USP24: variants seen among roughly 807,000 people sequenced by gnomAD.
The protein encoded by USP24 is ubiquitin specific peptidase 24.
A neutral mutation model predicts 361.6 loss-of-function variants in USP24; 97 were observed. The observed-to-expected ratio is 0.27, with a 90% confidence interval of 0.23 to 0.32. The LOEUF (loss-of-function observed/expected upper bound fraction) is 0.32, where lower values mean the gene tolerates loss of function less well. USP24 is among the 10% of genes least tolerant of loss of function. The pLI is 1.00. For missense variants in USP24, 2,353 were observed against 3,165.6 expected (o/e 0.74, Z 6.16); for synonymous variants, 1,098 against 1,124.6 (o/e 0.98, Z 0.47).
chr1:55,078,484 C>A, intron 61 of USP24, 54 bp downstream of exon 61: 1 of 1,449,522 alleles, frequency 6.9e-7, no homozygotes. Flanking sequence ...AGATGCTCTC[C>A]TAGAGTCTCA....
At chr1:55,144,089 T>G in intron 21 of USP24, 38 bp downstream of exon 21, 1 of 1,502,288 alleles carries the variant, frequency 6.7e-7, no homozygotes, top group Non-Finnish European at 9.0e-7. Context: ...TTATACTAGA[T>G]TATCCAAACT....
At chr1:55,187,294 C>T (rs1194351946) in intron 1 of USP24, among the ~76,000 whole-genome samples, 2 of 152,062 alleles carry the variant, frequency 1.3e-5, no homozygotes, top group Non-Finnish European at 2.9e-5. Flanking sequence ...GGGGAACTTC[C>T]TCAACTTGAT....
At chr1:55,199,385 ATAG>A (rs1461743721) in intron 1 of USP24, among the ~76,000 whole-genome samples, 1 of 152,214 alleles carries the variant, frequency 6.6e-6, no homozygotes, top group African/African-American at 2.4e-5. Context: ...ATAAAAGTCT[ATAG>A]AGGATATTGC....
intron 29 of USP24, 58 bp downstream of exon 29, chr1:55,134,270 T>G (rs1646673485): frequency 6.4e-7 from 1 of 1,570,274 alleles, no homozygotes; most frequent in Admixed American, 1.8e-5. Context: ...AAAAGTTACT[T>G]GGCTCCCTAA....
chr1:55,154,222 T>C lies in USP24; in HGVS notation c.1709A>G (p.Gln570Arg). 6.2e-7 allele frequency: 1 copy of C among 1,613,514 alleles called. No homozygotes were observed. Among genetic ancestry groups the C allele is most frequent in the Non-Finnish European group, 8.5e-7 (1 of 1,179,666 alleles). The change falls in exon 15 of 68, where the codon CAG (glutamine) becomes CGG (arginine). Residue 570 changes from glutamine to arginine, a missense_variant. Gln to Arg is a conservative substitution (Grantham distance 43). Around this residue, in one of 8 missense-constraint regions of USP24, gnomAD observed 386 missense variants for 560.5 expected, o/e 0.69. Coordinates refer to ENST00000294383, the MANE Select transcript of USP24 (RefSeq NM_015306.3). ...HLPTLPSSLI[Q>R]QALEEHLTIL... ...TGTCAGGTGCTCCTCCAAGGCCTGC[T>C]GAATAAGGCTACTGGGCAGGGTTGG...
At chr1:55,159,588 A>C in intron 9 of USP24, 23 bp downstream of exon 9, 2 of 1,551,380 alleles carry the variant, frequency 1.3e-6, no homozygotes, top group Non-Finnish European at 1.7e-6. Context: ...ACTGGGGCCT[A>C]TCTGGCTGGA....
At chr1:55,137,991 G>A in intron 26 of USP24, 87 bp from the exon 27 acceptor site, 1 of 1,301,840 alleles carries the variant, frequency 7.7e-7, no homozygotes, top group Non-Finnish European at 1.1e-6. Flanking sequence ...TAGGTACTGG[G>A]CACTGTTCTA....
chr1:55,102,873 C>A (rs368226030), intron 42 of USP24, among the ~76,000 whole-genome samples: 1 of 152,262 alleles, frequency 6.6e-6, no homozygotes, highest in African/African-American at 2.4e-5. Flanking sequence ...GCATTATAAA[C>A]CATTTTGATC....
At chr1:55,209,339 T>C (rs1312013208) in intron 1 of USP24, among the ~76,000 whole-genome samples, 4 of 152,124 alleles carry the variant, frequency 2.6e-5, no homozygotes. Flanking sequence ...CAGACCACAC[T>C]GGAACCTCTT....
At chr1:55,155,075 C>T (rs937748576) in intron 12 of USP24, among the ~76,000 whole-genome samples, 4 of 150,560 alleles carry the variant, frequency 2.7e-5, no homozygotes, top group African/African-American at 7.3e-5. Context: ...AAGAAGAGAA[C>T]AAAATATTTT....
chr1:55,157,500 A>G, intron 10 of USP24, 130 bp from the exon 11 acceptor site: 1 of 546,066 alleles, frequency 1.8e-6, no homozygotes, highest in Non-Finnish European at 3.1e-6. Flanking sequence ...GGCCAGTTAT[A>G]AGAAGTTAAC....
intron 15 of USP24, 62 bp from the exon 16 acceptor site, chr1:55,153,979 G>C (rs547189080): frequency 2.7e-5 from 41 of 1,540,616 alleles, no homozygotes; most frequent in Non-Finnish European, 3.6e-5. Flanking sequence ...ATAATTTCCC[G>C]ATCTTGGACT....
Position 55,125,603 on chromosome 1 carries a change from T to A in USP24, c.3732-55A>T, listed in dbSNP as rs1005754934. On this transcript the variant is annotated intron_variant, in intron 33 of 67. Transcript: ENST00000294383. ...AGTCCATTCATACTATTTAAAAACA[T>A]GATTTGCGAAGAAAAAGTCAAGTAT... 93 of 1,580,390 alleles carry A rather than the reference T, an allele frequency of 5.9e-5. No homozygotes were observed. The Admixed American group carries it at 1.7e-3, about 28-fold the overall frequency.
intron 1 of USP24, among the ~76,000 whole-genome samples, chr1:55,182,620 T>C (rs767044994): frequency 5.3e-5 from 8 of 152,340 alleles, no homozygotes; most frequent in Middle Eastern, 3.4e-3. Flanking sequence ...CCTCCTGATA[T>C]GGTGCACTGT....
chr1:55,115,482 C>A (rs1212238253), intron 38 of USP24, among the ~76,000 whole-genome samples: 1 of 115,518 alleles, frequency 8.7e-6, no homozygotes, highest in Non-Finnish European at 1.7e-5. Flanking sequence ...GGCGACAGAG[C>A]GAGACTCCGC....
chr1:55,079,505 G>A (rs1557530862), intron 60 of USP24, 33 bp downstream of exon 60: 1 of 1,553,804 alleles, frequency 6.4e-7, no homozygotes, highest in African/African-American at 1.4e-5. Flanking sequence ...AAACAGGAGG[G>A]AAAAAAATGG....
intron 64 of USP24, 40 bp downstream of exon 64, chr1:55,073,788 A>C: frequency 6.5e-7 from 1 of 1,531,664 alleles, no homozygotes; most frequent in Non-Finnish European, 8.9e-7. Context: ...ACTTGTAATT[A>C]AAACACCATT....
Position 55,066,668 on chromosome 1 carries a change from G to C in USP24, c.*2377C>G, listed in dbSNP as rs1291508295. ...CCGTGTGAGGACTCCAGGAGAAGTC[G>C]TGGTGAGATGCCCGCTGGGATGCTT... On this transcript the variant is annotated 3_prime_UTR_variant, in exon 68 of 68. Coordinates refer to ENST00000294383, the MANE Select transcript of USP24 (RefSeq NM_015306.3). The C allele has an allele frequency of 1.3e-5, 2 of 152,180 alleles. No homozygotes were observed. Among genetic ancestry groups the C allele is most frequent in the Non-Finnish European group, 2.9e-5 (2 of 68,042 alleles). The allele number at this position is 152,180 out of a possible 1,614,324, so 9.4% of individuals were successfully genotyped here. A position where few individuals can be genotyped will look rare whatever the true frequency, so the allele number is the denominator to read the frequency against.
At chr1:55,070,238 A>C (rs939839839) in intron 67 of USP24, among the ~76,000 whole-genome samples, 2 of 152,110 alleles carry the variant, frequency 1.3e-5, no homozygotes, top group Admixed American at 1.3e-4. Context: ...TGCCAAGTGG[A>C]GAACGTCAAG....
Sources: gnomAD v4.1 joint callset for allele counts (sites outside exome capture counted in the v4.1 genomes callset) on GRCh38, gnomAD v4.1.1 for gene constraint, gnomAD v4.1.1 regional missense constraint, MANE v1.5 for transcripts, NCBI Gene and HGNC (gene_info 2026-07-23, HGNC 2026-07-21) for gene names.